Variants in PLG observed in about 807,000 individuals in gnomAD.
PLG encodes plasminogen.
PLG carries 41 observed loss-of-function variants against 104.4 expected under a neutral mutation model. The ratio of observed to expected loss-of-function variants is 0.39; its 90% CI spans 0.31 to 0.51. The LOEUF is 0.51. Among genes scored for constraint, PLG ranks in the 20% least tolerant of loss-of-function variants. The probability of loss-of-function intolerance (pLI) is 0.76; values close to 1 mark genes in which losing one functional copy is unlikely to be tolerated. For missense variants in PLG, 891 were observed against 1,003.6 expected (o/e 0.89, Z 1.52); for synonymous variants, 337 against 357.1 (o/e 0.94, Z 0.63).
At chr6:160,748,103 G>A (rs1255139832) in intron 17 of PLG, among the ~76,000 whole-genome samples, 3 of 151,708 alleles carry the variant, frequency 2.0e-5, no homozygotes, top group Non-Finnish European at 2.9e-5. Context: ...TCAGGAGCTT[G>A]AGACGAGCCT....
rs1302938218 is a variant in PLG, at chr6:160,719,066, T to C, written c.1096+228T>C. Among the ~76,000 whole-genome samples, 1 of 152,200 alleles carries C rather than the reference T, an allele frequency of 6.6e-6. No homozygotes were observed. Among genetic ancestry groups the C allele is most frequent in the Non-Finnish European group, 1.5e-5 (1 of 68,034 alleles). Reference sequence around the variant, plus strand: ...GTGCTCTTGAAAAGAATGTGTCTTCTGCGGTTGTTGGGTGGGGTGTTCCCT... The same window carrying C: ...GTGCTCTTGAAAAGAATGTGTCTTCCGCGGTTGTTGGGTGGGGTGTTCCCT... On this transcript the variant is annotated intron_variant, in intron 9 of 18. Transcript: ENST00000308192. This position sits in a 1 kb window ranked among gnomAD's most constrained non-coding sequence, Gnocchi z 4.1.
intron 10 of PLG, among the ~76,000 whole-genome samples, chr6:160,727,917 G>C (rs1459331093): frequency 6.6e-6 from 1 of 151,592 alleles, no homozygotes; most frequent in African/African-American, 2.4e-5. Flanking sequence ...TTACTACATT[G>C]GTCACAACCA....
At position 160,719,163 on chromosome 6, in the gene PLG, T is replaced by C. The variant is rs1777792760; in HGVS notation, c.1096+325T>C. On this transcript the variant is annotated intron_variant, in intron 9 of 18. Transcript: ENST00000308192. This position sits in a 1 kb window ranked among gnomAD's most constrained non-coding sequence, Gnocchi z 4.1. Reference sequence around the variant, plus strand: ...TACTGATTGTCTGTCTCCTCCTTCATTGACTACTGTGGATGAATGGTGATG... The same window carrying C: ...TACTGATTGTCTGTCTCCTCCTTCACTGACTACTGTGGATGAATGGTGATG... Among the ~76,000 whole-genome samples the C allele has an allele frequency of 6.6e-6, 1 of 152,214 alleles. No homozygotes were observed. The highest frequency in any genetic ancestry group is 1.5e-5 in the Non-Finnish European group (1 of 68,046).
chr6:160,752,585 A>G lies in PLG; in HGVS notation c.2272-315A>G, dbSNP rs1778421141. ...TAGGGAAGGAGGTAGAGGATACAGG[A>G]CAGAGACCAACTGCACACACTTTAC... is the stretch of plus-strand genomic sequence containing the variant. On this transcript the variant is annotated intron_variant, in intron 18 of 18. Coordinates refer to ENST00000308192, the MANE Select transcript of PLG (RefSeq NM_000301.5). The surrounding 1 kb of genome is among the most constrained non-coding windows in gnomAD (Gnocchi z 4.7). 6.6e-6 allele frequency among the ~76,000 whole-genome samples: 1 copy of G among 152,136 alleles called. No homozygotes were observed. The highest frequency in any genetic ancestry group is 1.5e-5 in the Non-Finnish European group (1 of 68,020).
At chr6:160,703,263 T>C (rs1777453703) in intron 1 of PLG, among the ~76,000 whole-genome samples, 1 of 112,112 alleles carries the variant, frequency 8.9e-6, no homozygotes, top group South Asian at 2.5e-4. Flanking sequence ...GTACTTCTTT[T>C]TCTTTAAAAA....
At chr6:160,711,693 T>G in intron 4 of PLG, 25 of 1,609,192 alleles carry the variant, frequency 1.6e-5, no homozygotes, top group Non-Finnish European at 2.0e-5. Flanking sequence ...ACCTAGAACA[T>G]AGAAGAATGC....
chr6:160,704,756 G>C (rs1777486102), intron 1 of PLG, among the ~76,000 whole-genome samples: 2 of 152,326 alleles, frequency 1.3e-5, no homozygotes, highest in African/African-American at 4.8e-5. Flanking sequence ...CAAAGTCCCA[G>C]AGGTGGGGAG....
chr6:160,721,073 T>C (rs1777820828), intron 9 of PLG, among the ~76,000 whole-genome samples: 1 of 152,214 alleles, frequency 6.6e-6, no homozygotes, highest in Non-Finnish European at 1.5e-5. Context: ...TACTCTTTTC[T>C]ATAGTTTCCA....
intron 10 of PLG, 78 bp from the exon 11 acceptor site, chr6:160,730,973 G>T: frequency 7.0e-7 from 1 of 1,425,610 alleles, no homozygotes; most frequent in South Asian, 1.2e-5. Flanking sequence ...CACTTTGTTA[G>T]AACAAAATGT....
At position 160,728,980 on chromosome 6, in the gene PLG, G is replaced by C. The variant is rs528364304; in HGVS notation, c.1257-2071G>C. 2.0e-4 allele frequency among the ~76,000 whole-genome samples: 31 copies of C among 152,190 alleles called. 1 individual carries two copies. The East Asian group carries it at 4.2e-3, about 21-fold the overall frequency. On this transcript the variant is annotated intron_variant, in intron 10 of 18. Transcript: ENST00000308192. The stretch of plus-strand genomic sequence containing the variant: ...AAATCAGTAGGTAAGTAACAGACTG[G>C]AATAAAAATTCTCTCCATCCATATA...
At position 160,739,412 on chromosome 6, in the gene PLG, G is replaced by A. The variant is rs943232183; in HGVS notation, c.2018+204G>A. On this transcript the variant is annotated intron_variant, in intron 16 of 18. Coordinates refer to ENST00000308192, the MANE Select transcript of PLG (RefSeq NM_000301.5). This position sits in a 1 kb window ranked among gnomAD's most constrained non-coding sequence, Gnocchi z 4.4. Reference sequence around the variant, plus strand: ...CTCTTGAGAAAGGCAGCAGGACTCCGTTTTCTCATGTGGAAAAAGAGTTGA... The same window carrying A: ...CTCTTGAGAAAGGCAGCAGGACTCCATTTTCTCATGTGGAAAAAGAGTTGA... Among the ~76,000 whole-genome samples, 4 of 152,062 alleles carry A rather than the reference G, an allele frequency of 2.6e-5. No homozygotes were observed. Among genetic ancestry groups the A allele is most frequent in the African/African-American group, 9.7e-5 (4 of 41,394 alleles).
In PLG at chr6:160,719,432, GTGATATATCTTTTAAATTTGTA is replaced by G. The variant is rs1242633351; in HGVS notation, c.1096+614_1096+635del. Among the ~76,000 whole-genome samples, 10 of 152,154 alleles carry G rather than the reference GTGATATATCTTTTAAATTTGTA, an allele frequency of 6.6e-5. No homozygotes were observed. The highest frequency in any genetic ancestry group is 1.5e-4 in the Non-Finnish European group (10 of 67,992). On this transcript the variant is annotated intron_variant, in intron 9 of 18. Transcript: ENST00000308192. This position sits in a 1 kb window ranked among gnomAD's most constrained non-coding sequence, Gnocchi z 4.1. Reference sequence around the variant, plus strand: ...CAGCTCTATTTTCACTAGTATTTGTGTGATATATCTTTTAAATTTGTATGATATATCTTTTAAATTTATCTGA... The same window carrying G: ...CAGCTCTATTTTCACTAGTATTTGTGTGATATATCTTTTAAATTTATCTGA...
rs974719843 is a variant in PLG at position 160,735,873 on chromosome 6, C to A, written c.1682-1014C>A. The stretch of plus-strand genomic sequence containing the variant: ...AGCTCAGCACTAGAGAAGATGATTG[C>A]ATTCTATGCCTTGCTTCTTTTTTTA... On this transcript the variant is annotated intron_variant, in intron 13 of 18. Transcript: ENST00000308192. This position sits in a 1 kb window ranked among gnomAD's most constrained non-coding sequence, Gnocchi z 5.4. Among the ~76,000 whole-genome samples, 3 of 152,114 alleles carry A rather than the reference C, an allele frequency of 2.0e-5. No individual in the cohort carries two copies. Among genetic ancestry groups the A allele is most frequent in the African/African-American group, 7.2e-5 (3 of 41,408 alleles).
In PLG at chr6:160,732,982, G is replaced by C. The variant is rs76100911; in HGVS notation, c.1588-1013G>C. Among the ~76,000 whole-genome samples, 2 of 152,060 alleles carry C rather than the reference G, an allele frequency of 1.3e-5. No individual in the cohort carries two copies. The highest frequency in any genetic ancestry group is 2.4e-5 in the African/African-American group (1 of 41,394). Reference sequence around the variant, plus strand: ...TGTTCCCTCCCTGGAAGTTGGACGTGGGGGGCTGAACAGTTCCAACCCTGC... The same window carrying C: ...TGTTCCCTCCCTGGAAGTTGGACGTCGGGGGCTGAACAGTTCCAACCCTGC... On this transcript the variant is annotated intron_variant, in intron 12 of 18. Transcript: ENST00000308192. The surrounding 1 kb of genome is among the most constrained non-coding windows in gnomAD (Gnocchi z 4.5).
chr6:160,741,287 T>G lies in PLG; in HGVS notation c.2019-24T>G, dbSNP rs1482435696. 6.8e-7 allele frequency: 1 copy of G among 1,465,894 alleles called. No individual in the cohort carries two copies. Among genetic ancestry groups the G allele is most frequent in the Non-Finnish European group, 9.6e-7 (1 of 1,044,980 alleles). The allele number at this position is 1,465,894 out of a possible 1,614,324, so 90.8% of individuals were successfully genotyped here. ...CAGCTGCGAGCAGAGCAGTCAAACA[T>G]AACTGCTGATGCTTTTCTTTCAGTC... On this transcript the variant is annotated intron_variant, in intron 16 of 18. Transcript: ENST00000308192. This position sits in a 1 kb window ranked among gnomAD's most constrained non-coding sequence, Gnocchi z 4.7.
Position 160,725,175 on chromosome 6 carries a change from A to G in PLG, c.1256+2608A>G, listed in dbSNP as rs990049641. On this transcript the variant is annotated intron_variant, in intron 10 of 18. Transcript: ENST00000308192. The surrounding 1 kb of genome is among the most constrained non-coding windows in gnomAD (Gnocchi z 6.3). ...GGTTGCAGTGAGCTGAGATCGTGCC[A>G]TTACGGTCCAACCTGGGTGACAGAG... is the stretch of plus-strand genomic sequence containing the variant. Among the ~76,000 whole-genome samples, 4 of 152,176 alleles carry G rather than the reference A, an allele frequency of 2.6e-5. No homozygotes were observed. The highest frequency in any genetic ancestry group is 9.7e-5 in the African/African-American group (4 of 41,432).
In PLG at chr6:160,738,953, A is replaced by T. The variant is rs1304051699; in HGVS notation, c.1878-115A>T. Reference sequence around the variant, plus strand: ...TGAATTTTGCTTCTTGCCACTCAGAAGTCACTAATTCTGAGTGGCCAAGGG... The same window carrying T: ...TGAATTTTGCTTCTTGCCACTCAGATGTCACTAATTCTGAGTGGCCAAGGG... On this transcript the variant is annotated intron_variant, in intron 15 of 18. Coordinates refer to ENST00000308192, the MANE Select transcript of PLG (RefSeq NM_000301.5). The surrounding 1 kb of genome is among the most constrained non-coding windows in gnomAD (Gnocchi z 6.8). The T allele has an allele frequency of 1.6e-6, 2 of 1,225,172 alleles. No individual in the cohort carries two copies. The highest frequency in any genetic ancestry group is 2.4e-6 in the Non-Finnish European group (2 of 829,924). The allele number at this position is 1,225,172 out of a possible 1,614,324, so 75.9% of individuals were successfully genotyped here.
At position 160,722,451 on chromosome 6, in the gene PLG, T is replaced by A; in HGVS notation, c.1140T>A (p.Gly380=). ...LTPVVQDCYH[G]DGQSYRGTSS... ...CTGTGGTCCAGGACTGCTACCATGG[T>A]GATGGACAGAGCTACCGAGGCACAT... Residue 380 remains glycine, a synonymous_variant, in exon 10 of 19, where the codon GGT becomes GGA. Coordinates refer to ENST00000308192, the MANE Select transcript of PLG (RefSeq NM_000301.5). 1.2e-6 allele frequency: 2 copies of A among 1,613,218 alleles called. No homozygotes were observed. The highest frequency in any genetic ancestry group is 8.5e-7 in the Non-Finnish European group (1 of 1,179,224).
chr6:160,717,830 T>G (rs1033289185), intron 7 of PLG, among the ~76,000 whole-genome samples: 3 of 152,194 alleles, frequency 2.0e-5, no homozygotes, highest in Non-Finnish European at 2.9e-5. Context: ...TAAATTGATT[T>G]CATCTGAAAA....
Sources: gnomAD v4.1 joint callset for allele counts (sites outside exome capture counted in the v4.1 genomes callset) on GRCh38, gnomAD v4.1.1 for gene constraint, Gnocchi (gnomAD v3.1) non-coding constraint, MANE v1.5 for transcripts, NCBI Gene and HGNC (gene_info 2026-07-23, HGNC 2026-07-21) for gene names.